HEATR4: variants seen among roughly 807,000 people sequenced by gnomAD.
HEATR4 encodes HEAT repeat containing 4.
In HEATR4, 95 loss-of-function variants were observed where a neutral mutation model predicts 108.8. The observed-to-expected ratio is 0.87, with a 90% CI of 0.74 to 1.04. The LOEUF is 1.04. Ranked by LOEUF, HEATR4 falls within the 50% of genes least tolerant of loss-of-function variation. HEATR4 has a pLI of 0.00. For missense variants in HEATR4, 1,152 were observed against 1,253.8 expected, an observed-to-expected ratio of 0.92 and a Z score of 1.23; for synonymous variants, 443 against 459.4, an observed-to-expected ratio of 0.96 and a Z score of 0.46.
At chr14:73,509,627 T>G (rs536669550) in intron 7 of HEATR4, among the ~76,000 whole-genome samples, 154 bp from the exon 8 acceptor site, 6 of 151,618 alleles carry the variant, frequency 4.0e-5, no homozygotes, top group African/African-American at 1.5e-4. Flanking sequence ...GCCCTTCAGA[T>G]GGGCAGGATT....
intron 7 of HEATR4, among the ~76,000 whole-genome samples, chr14:73,511,189 A>C (rs560592156): frequency 2.6e-4 from 40 of 152,224 alleles, no homozygotes; most frequent in Non-Finnish European, 4.4e-4. Context: ...TGACTGCCCA[A>C]GGAGTGGCAC....
the HEATR4 span, among the ~76,000 whole-genome samples, chr14:73,597,363 C>T: frequency 2.6e-5 from 4 of 151,862 alleles, no homozygotes; most frequent in African/African-American, 7.3e-5. Flanking sequence ...GGATTACAGG[C>T]GTGAGCCACC....
chr14:73,491,799 A>T, intron 17 of HEATR4: 1 of 1,595,294 alleles, frequency 6.3e-7, no homozygotes, highest in Non-Finnish European at 8.5e-7. Flanking sequence ...TTCGGCCAGC[A>T]TTTGGACGCC....
At chr14:73,632,658 A>G in the HEATR4 span, among the ~76,000 whole-genome samples, 4 of 152,020 alleles carry the variant, frequency 2.6e-5, no homozygotes, top group African/African-American at 2.4e-5. Flanking sequence ...AGCCTGGCCA[A>G]CATGGTGAAA....
chr14:73,571,488 G>T, the HEATR4 span: 1 of 152,156 alleles, frequency 6.6e-6, no homozygotes, highest in East Asian at 1.9e-4. Context: ...CAAGACTAGG[G>T]AAAAGCCTGG....
At chr14:73,514,324 T>C in intron 5 of HEATR4, 90 bp from the exon 6 acceptor site, 1 of 1,182,636 alleles carries the variant, frequency 8.5e-7, no homozygotes. Flanking sequence ...TTCCTATTCC[T>C]GACTAATACC....
chr14:73,481,347 G>A (rs900958338), intron 17 of HEATR4, among the ~76,000 whole-genome samples: 5 of 151,778 alleles, frequency 3.3e-5, no homozygotes, highest in Non-Finnish European at 4.4e-5. Context: ...GCTGAGGCAC[G>A]AGAATCACTT....
intron 10 of HEATR4, among the ~76,000 whole-genome samples, chr14:73,504,493 T>G (rs1024383575): frequency 1.3e-5 from 2 of 152,066 alleles, no homozygotes. Flanking sequence ...CCGCCCTCCT[T>G]GGCCTCCCAA....
At chr14:73,483,259 T>C (rs1312911714) in intron 17 of HEATR4, among the ~76,000 whole-genome samples, 2 of 152,214 alleles carry the variant, frequency 1.3e-5, no homozygotes, top group Non-Finnish European at 2.9e-5. Context: ...AATGATTACC[T>C]GAAAGAAATA....
At chr14:73,537,074 C>T in intron 1 of HEATR4, 1 of 200,250 alleles carries the variant, frequency 5.0e-6, no homozygotes, top group South Asian at 8.3e-5. Flanking sequence ...AGCTCCACCC[C>T]CCGGGATCAC....
At chr14:73,520,130 A>G (rs996940701) in intron 4 of HEATR4, 3 of 152,230 alleles carry the variant, frequency 2.0e-5, no homozygotes, top group Non-Finnish European at 4.4e-5. Flanking sequence ...AAACACTTTG[A>G]GAAGACTTTC....
rs1473139955 is a variant in HEATR4, at chr14:73,492,346, A to G, written c.2844+720T>C. ...TACTGCCTCTGGCAGTGCAGGCTGC[A>G]ATGGAAGAAAATGTGGAGTTTCGGA... is the stretch of plus-strand genomic sequence containing the variant. On this transcript the variant is annotated intron_variant, in intron 17 of 17. Transcript: ENST00000553558. The surrounding 1 kb of genome is among the most constrained non-coding windows in gnomAD (Gnocchi z 4.9). 2 of 1,613,796 alleles carry G rather than the reference A, an allele frequency of 1.2e-6. No homozygotes were observed. Among genetic ancestry groups the G allele is most frequent in the Non-Finnish European group, 1.7e-6 (2 of 1,179,826 alleles).
At chr14:73,586,589 C>T in the HEATR4 span, among the ~76,000 whole-genome samples, 1 of 151,538 alleles carries the variant, frequency 6.6e-6, no homozygotes, top group African/African-American at 2.4e-5. Flanking sequence ...ACCTGTAGTT[C>T]CAGCTACTTG....
the HEATR4 span, among the ~76,000 whole-genome samples, chr14:73,580,372 G>C: frequency 6.6e-6 from 1 of 152,062 alleles, no homozygotes; most frequent in African/African-American, 2.4e-5. Context: ...TGATCCTCCT[G>C]TAATCAGTAG....
At chr14:73,572,253 C>G in the HEATR4 span, among the ~76,000 whole-genome samples, 1 of 142,444 alleles carries the variant, frequency 7.0e-6, no homozygotes, top group African/African-American at 2.6e-5. Context: ...AACAATAGAA[C>G]AGATTAATAA....
chr14:73,569,728 C>A, the HEATR4 span: 2 of 1,609,568 alleles, frequency 1.2e-6, no homozygotes, highest in Non-Finnish European at 1.7e-6. Flanking sequence ...GTGCGAACGC[C>A]CTTGGCCGTG....
chr14:73,614,956 G>A, the HEATR4 span, among the ~76,000 whole-genome samples: 1 of 151,380 alleles, frequency 6.6e-6, no homozygotes, highest in Admixed American at 6.6e-5. Flanking sequence ...AGTTAGCCGG[G>A]CATGGTGGTG....
upstream of HEATR4, among the ~76,000 whole-genome samples, chr14:73,559,734 T>C (rs1889482845): frequency 6.6e-6 from 1 of 151,900 alleles, no homozygotes; most frequent in Non-Finnish European, 1.5e-5. Context: ...AAGAGTGAAG[T>C]GCAGTCTCAA....
At chr14:73,562,240 G>A (rs1047745942), upstream of HEATR4, among the ~76,000 whole-genome samples, 4 of 151,912 alleles carry the variant, frequency 2.6e-5, no homozygotes, top group Admixed American at 6.6e-5. Context: ...CCGCGGCAGA[G>A]GAACATAAAT....
Sources: gnomAD v4.1 joint callset for allele counts (sites outside exome capture counted in the v4.1 genomes callset) on GRCh38, gnomAD v4.1.1 for gene constraint, Gnocchi (gnomAD v3.1) non-coding constraint, MANE v1.5 for transcripts, NCBI Gene and HGNC (gene_info 2026-07-23, HGNC 2026-07-21) for gene names.